Variants in LPA observed in about 807,000 individuals in gnomAD.
The protein encoded by LPA is lipoprotein(a).
In LPA, 199 loss-of-function variants were observed where a neutral mutation model predicts 197.9. That is an observed-to-expected ratio of 1.01 (90% CI 0.90 to 1.13). LPA has a LOEUF of 1.13. LPA is among the 50% of genes most tolerant of loss of function. The pLI is 0.00. For missense variants in LPA, 1,853 were observed against 1,785.8 expected (o/e 1.04, Z -0.68); for synonymous variants, 715 against 639.5 (o/e 1.12, Z -1.78).
intron 28 of LPA, among the ~76,000 whole-genome samples, chr6:160,558,705 T>G (rs777672844): frequency 4.6e-5 from 7 of 152,042 alleles, no homozygotes; most frequent in Non-Finnish European, 7.4e-5. Context: ...AGAGGTCGAG[T>G]GGCTACAGAG....
At chr6:160,561,095 G>A (rs1368727621) in intron 28 of LPA, among the ~76,000 whole-genome samples, 1 of 152,074 alleles carries the variant, frequency 6.6e-6, no homozygotes, top group Non-Finnish European at 1.5e-5. Context: ...ATTTTTAGTA[G>A]AGATGGGCTT....
intron 6 of LPA, among the ~76,000 whole-genome samples, chr6:160,635,697 GTA>G (rs1437883319): frequency 1.5e-3 from 172 of 115,406 alleles, no homozygotes; most frequent in African/African-American, 6.6e-3. Flanking sequence ...AAATGCATCT[GTA>G]TCTGTCTAGT....
At chr6:160,661,598 CTG>C (rs1780228135) in intron 1 of LPA, among the ~76,000 whole-genome samples, 1 of 152,230 alleles carries the variant, frequency 6.6e-6, no homozygotes, top group Non-Finnish European at 1.5e-5. Flanking sequence ...CTCCCCACCT[CTG>C]TGACTTTGTC....
chr6:160,601,900 G>A (rs1178315710), intron 18 of LPA, among the ~76,000 whole-genome samples: 1 of 152,212 alleles, frequency 6.6e-6, no homozygotes, highest in Non-Finnish European at 1.5e-5. Context: ...GGCACTCATG[G>A]CATAAAGGGA....
At chr6:160,596,774 T>C (rs904616567) in intron 20 of LPA, among the ~76,000 whole-genome samples, 1 of 152,174 alleles carries the variant, frequency 6.6e-6, no homozygotes, top group Non-Finnish European at 1.5e-5. Context: ...AGAATTGCAG[T>C]TTGAAATCTT....
At chr6:160,574,034 G>A (rs79573995) in intron 28 of LPA, among the ~76,000 whole-genome samples, 1,655 of 152,218 alleles carry the variant, frequency 0.011, 33 homozygotes, top group African/African-American at 0.038. Flanking sequence ...GGGACTAGGC[G>A]TGTCTGAGCT....
At chr6:160,635,753 T>C (rs1779805339) in intron 6 of LPA, among the ~76,000 whole-genome samples, 3 of 91,120 alleles carry the variant, frequency 3.3e-5, no homozygotes, top group Non-Finnish European at 6.6e-5. Context: ...AATGTGGGAG[T>C]TGCAACGAAC....
chr6:160,541,276 A>T, intron 34 of LPA, 95 bp from the exon 35 acceptor site: 1 of 911,920 alleles, frequency 1.1e-6, no homozygotes, highest in Non-Finnish European at 1.8e-6. Flanking sequence ...CTCAGTTTTG[A>T]TCATGTTCAT....
chr6:160,574,046 A>G (rs1187474821), intron 28 of LPA, among the ~76,000 whole-genome samples: 1 of 152,126 alleles, frequency 6.6e-6, no homozygotes, highest in East Asian at 1.9e-4. Context: ...GTCTGAGCTC[A>G]GACTTTCCTT....
intron 28 of LPA, among the ~76,000 whole-genome samples, chr6:160,562,694 G>C (rs941488083): frequency 6.6e-6 from 1 of 152,004 alleles, no homozygotes; most frequent in African/African-American, 2.4e-5. Flanking sequence ...AATCCCTCTG[G>C]TCTGGGCTTT....
intron 2 of LPA, among the ~76,000 whole-genome samples, chr6:160,646,933 C>T (rs529196444): frequency 6.6e-6 from 1 of 152,066 alleles, no homozygotes; most frequent in South Asian, 2.1e-4. Context: ...GTACTCAAAA[C>T]CTAGTGAAAA....
At chr6:160,608,679 C>G (rs942442902) in intron 16 of LPA, among the ~76,000 whole-genome samples, 1 of 152,084 alleles carries the variant, frequency 6.6e-6, no homozygotes, top group African/African-American at 2.4e-5. Context: ...TTCGGCCATC[C>G]TTGATTCCGG....
rs575565865 is a variant in LPA at position 160,585,841 on chromosome 6, C to T, written c.4129+608G>A. 1.7e-3 allele frequency among the ~76,000 whole-genome samples: 255 copies of T among 152,198 alleles called. 1 individual carries two copies. The highest frequency in any genetic ancestry group is 5.7e-3 in the African/African-American group (238 of 41,540). ...CACTACTCTTCTTCTCAAAAAACAA[C>T]GGAGATAAATGTTCCATGAGAAGCA... On this transcript the variant is annotated intron_variant, in intron 25 of 38. Coordinates refer to ENST00000316300, the MANE Select transcript of LPA (RefSeq NM_005577.4).
At chr6:160,575,010 C>T (rs1243866636) in intron 28 of LPA, among the ~76,000 whole-genome samples, 1 of 152,188 alleles carries the variant, frequency 6.6e-6, no homozygotes, top group African/African-American at 2.4e-5. Context: ...GATGAGAAGG[C>T]ATCAGTCATT....
At chr6:160,650,236 T>C in intron 2 of LPA, 102 bp downstream of exon 2, 1 of 1,155,256 alleles carries the variant, frequency 8.7e-7, no homozygotes, top group Non-Finnish European at 1.3e-6. Flanking sequence ...GCATTCTATG[T>C]GTGAGAAAAA....
chr6:160,560,710 C>A (rs1778346596), intron 28 of LPA, among the ~76,000 whole-genome samples: 1 of 151,812 alleles, frequency 6.6e-6, no homozygotes, highest in African/African-American at 2.4e-5. Flanking sequence ...ATGGCTAGAC[C>A]ACAGAATTTT....
At chr6:160,589,866 C>A (rs780507630) in intron 23 of LPA, among the ~76,000 whole-genome samples, 154 bp from the exon 24 acceptor site, 6 of 152,224 alleles carry the variant, frequency 3.9e-5, no homozygotes, top group Admixed American at 6.5e-5. Context: ...AATAACAAAG[C>A]TCAAAGATTC....
At chr6:160,580,114 C>T (rs1279254256) in intron 26 of LPA, among the ~76,000 whole-genome samples, 2 of 152,278 alleles carry the variant, frequency 1.3e-5, no homozygotes, top group South Asian at 2.1e-4. Flanking sequence ...TATAAACTCA[C>T]ATGAATGGAC....
chr6:160,652,934 T>C (rs886629812), intron 1 of LPA, among the ~76,000 whole-genome samples: 1 of 152,012 alleles, frequency 6.6e-6, no homozygotes, highest in African/African-American at 2.4e-5. Context: ...GTCGTGGAGA[T>C]AAACTCAATA....
Sources: gnomAD v4.1 joint callset for allele counts (sites outside exome capture counted in the v4.1 genomes callset) on GRCh38, gnomAD v4.1.1 for gene constraint, MANE v1.5 for transcripts, NCBI Gene and HGNC (gene_info 2026-07-23, HGNC 2026-07-21) for gene names.